Variants in GRIK3 observed in about 807,000 individuals in gnomAD.
GRIK3 encodes the protein glutamate ionotropic receptor kainate type subunit 3.
Under a neutral mutation model 102.5 loss-of-function variants are expected in GRIK3, and 29 were observed. That is an observed-to-expected ratio of 0.28 (90% confidence interval 0.21 to 0.39). The LOEUF (loss-of-function observed/expected upper bound fraction) is 0.39. Among genes scored for constraint, GRIK3 ranks in the 10% least tolerant of loss-of-function variants. GRIK3 has a pLI of 1.00. For synonymous variants in GRIK3, 511 were observed against 504.9 expected, an observed-to-expected ratio of 1.01 and a Z score of -0.16; for missense variants, 908 against 1,252.4, an observed-to-expected ratio of 0.73 and a Z score of 4.15.
chr1:36,921,856 C>T (rs1244823850), intron 1 of GRIK3, among the ~76,000 whole-genome samples: 2 of 152,120 alleles, frequency 1.3e-5, no homozygotes, highest in Non-Finnish European at 2.9e-5. Flanking sequence ...TCTCACCTGC[C>T]CTGCTCCTAT....
At position 36,880,265 on chromosome 1, in the gene GRIK3, A is replaced by T. The variant is rs972785169; in HGVS notation, c.550+369T>A. On this transcript the variant is annotated intron_variant, in intron 3 of 15. Transcript: ENST00000373091. The surrounding 1 kb of genome is among the most constrained non-coding windows in gnomAD (Gnocchi z 5.4). ...TGTGAGTGTGCAAGTGTGAGGGTGG[A>T]TGTGTTTGCAGCAGATGGAAATGTG... is the stretch of plus-strand genomic sequence containing the variant. Among the ~76,000 whole-genome samples, 1 of 152,016 alleles carries T rather than the reference A, an allele frequency of 6.6e-6. No individual in the cohort carries two copies. The highest frequency in any genetic ancestry group is 2.4e-5 in the African/African-American group (1 of 41,390).
Position 36,946,931 on chromosome 1 carries a change from A to AAGG in GRIK3, c.116-55838_116-55836dup, listed in dbSNP as rs1256091937. Among the ~76,000 whole-genome samples, 9 of 152,166 alleles carry AAGG rather than the reference A, an allele frequency of 5.9e-5. 1 individual carries two copies. The highest frequency in any genetic ancestry group is 2.2e-4 in the African/African-American group (9 of 41,426). Reference sequence around the variant, plus strand: ...TACCCTCTACGGATCACTGGCTCAGAAGGGGTAAGAAAGGACAGAGAAGGA... The same window carrying AAGG: ...TACCCTCTACGGATCACTGGCTCAGAAGGAGGGGTAAGAAAGGACAGAGAAGGA... On this transcript the variant is annotated intron_variant, in intron 1 of 15. Transcript: ENST00000373091.
intron 11 of GRIK3, among the ~76,000 whole-genome samples, chr1:36,824,305 T>C (rs1642729441): frequency 6.6e-6 from 1 of 152,200 alleles, no homozygotes; most frequent in Non-Finnish European, 1.5e-5. Flanking sequence ...AAAATCATGC[T>C]GCGAGCTCTG....
chr1:36,888,366 G>A (rs1390238932), intron 2 of GRIK3, among the ~76,000 whole-genome samples: 1 of 152,220 alleles, frequency 6.6e-6, no homozygotes, highest in Non-Finnish European at 1.5e-5. Context: ...TCAGAACGGT[G>A]GTGACCTTGG....
chr1:36,868,947 A>G (rs1193317235), intron 5 of GRIK3, among the ~76,000 whole-genome samples: 3 of 152,242 alleles, frequency 2.0e-5, no homozygotes, highest in African/African-American at 7.2e-5. Context: ...GGGCAGACAC[A>G]TACTGCAGGA....
intron 7 of GRIK3, among the ~76,000 whole-genome samples, chr1:36,856,378 C>T (rs1366140620): frequency 6.6e-6 from 1 of 152,334 alleles, no homozygotes; most frequent in Non-Finnish European, 1.5e-5. Context: ...AGTGACATTT[C>T]CTGCGCTGCC....
intron 1 of GRIK3, among the ~76,000 whole-genome samples, chr1:36,976,019 A>T (rs1642192387): frequency 6.6e-6 from 1 of 152,232 alleles, no homozygotes; most frequent in Non-Finnish European, 1.5e-5. Context: ...GCAAAGAAGC[A>T]AAAGAAGCAG....
rs1247598828 is a variant in GRIK3 at position 36,880,420 on chromosome 1, G to T, written c.550+214C>A. On this transcript the variant is annotated intron_variant, in intron 3 of 15. Coordinates refer to ENST00000373091, the MANE Select transcript of GRIK3 (RefSeq NM_000831.4). This position sits in a 1 kb window ranked among gnomAD's most constrained non-coding sequence, Gnocchi z 5.4. ...GAGCTGAGTGTGAGGCAGGGGTGAG[G>T]TGCGCTGGGGCTGAGTGAGATATGA... Among the ~76,000 whole-genome samples the T allele has an allele frequency of 6.6e-6, 1 of 152,178 alleles. No homozygotes were observed. Among genetic ancestry groups the T allele is most frequent in the Non-Finnish European group, 1.5e-5 (1 of 68,028 alleles).
At chr1:36,834,459 C>T (rs1329888134) in intron 10 of GRIK3, among the ~76,000 whole-genome samples, 2 of 152,126 alleles carry the variant, frequency 1.3e-5, no homozygotes, top group African/African-American at 2.4e-5. Context: ...GAAAAGCCCA[C>T]ATATATTTAA....
At chr1:36,840,570 A>G (rs1640434881) in intron 10 of GRIK3, among the ~76,000 whole-genome samples, 1 of 101,516 alleles carries the variant, frequency 9.9e-6, no homozygotes, top group South Asian at 3.0e-4. Flanking sequence ...AAAAAAAAAA[A>G]AAAAAAATTA....
intron 2 of GRIK3, among the ~76,000 whole-genome samples, chr1:36,887,641 AGCT>A (rs1421164109): frequency 6.6e-6 from 1 of 151,814 alleles, no homozygotes; most frequent in East Asian, 1.9e-4. Context: ...CTGTAATCCC[AGCT>A]ACTTGGGAGG....
At chr1:36,931,335 G>C (rs925379539) in intron 1 of GRIK3, among the ~76,000 whole-genome samples, 2 of 152,094 alleles carry the variant, frequency 1.3e-5, no homozygotes, top group Admixed American at 1.3e-4. Context: ...GGCACAAATG[G>C]GTCCTCATCA....
intron 1 of GRIK3, among the ~76,000 whole-genome samples, chr1:36,965,230 C>A (rs938370930): frequency 3.3e-5 from 5 of 152,126 alleles, no homozygotes; most frequent in African/African-American, 1.2e-4. Context: ...GCTGAACTTT[C>A]CAGAAGATGG....
intron 7 of GRIK3, among the ~76,000 whole-genome samples, chr1:36,854,754 G>A (rs1263633585): frequency 6.6e-6 from 1 of 152,178 alleles, no homozygotes; most frequent in East Asian, 1.9e-4. Flanking sequence ...CATCTTTCCT[G>A]CGGGCTGAGA....
chr1:36,840,921 C>G (rs471654), intron 10 of GRIK3, among the ~76,000 whole-genome samples: 31,773 of 152,072 alleles, frequency 0.21, 4,222 homozygotes, highest in African/African-American at 0.38. Context: ...GCCCAGTCTT[C>G]TGCCACTATG....
chr1:36,987,461 A>G (rs1642318305), intron 1 of GRIK3, among the ~76,000 whole-genome samples: 1 of 152,174 alleles, frequency 6.6e-6, no homozygotes, highest in South Asian at 2.1e-4. Context: ...AGTGTTGCTG[A>G]GCAGATAATC....
At chr1:36,842,726 C>T (rs1057432211) in intron 9 of GRIK3, among the ~76,000 whole-genome samples, 8 of 152,206 alleles carry the variant, frequency 5.3e-5, no homozygotes, top group Non-Finnish European at 1.2e-4. Flanking sequence ...GAGCTGGTAT[C>T]GCCTCATTTC....
At chr1:36,804,116 C>G (rs1319516799) in intron 15 of GRIK3, among the ~76,000 whole-genome samples, 1 of 152,230 alleles carries the variant, frequency 6.6e-6, no homozygotes, top group African/African-American at 2.4e-5. Context: ...TTATCTTTCC[C>G]CCTCCTCTTT....
At position 36,850,783 on chromosome 1, in the gene GRIK3, G is replaced by A. The variant is rs554420161; in HGVS notation, c.1213-359C>T. 6.6e-6 allele frequency among the ~76,000 whole-genome samples: 1 copy of A among 152,340 alleles called. No homozygotes were observed. The highest frequency in any genetic ancestry group is 1.9e-4 in the East Asian group (1 of 5,180). On this transcript the variant is annotated intron_variant, in intron 8 of 15. Coordinates refer to ENST00000373091, the MANE Select transcript of GRIK3 (RefSeq NM_000831.4). This position sits in a 1 kb window ranked among gnomAD's most constrained non-coding sequence, Gnocchi z 4.0. ...AATCAGGGGCTGGAGGGAATCAGGG[G>A]TCTATGGTCAGTGCCAGGTCTTGCC...
Sources: allele counts gnomAD v4.1 joint callset (sites outside exome capture counted in the v4.1 genomes callset), GRCh38; gene constraint gnomAD v4.1.1; non-coding constraint Gnocchi (gnomAD v3.1); transcripts MANE v1.5; gene names NCBI Gene and HGNC (gene_info 2026-07-23, HGNC 2026-07-21).